ACOT4: variants seen among roughly 807,000 people sequenced by gnomAD.
The protein encoded by ACOT4 is acyl-CoA thioesterase 4, also known as peroxisomal succinyl-coenzyme A thioesterase.
A neutral mutation model predicts 17.1 loss-of-function variants in ACOT4; 18 were observed. The observed-to-expected ratio is 1.05, with a 90% CI of 0.73 to 1.56. The LOEUF is 1.56. Ranked by LOEUF, ACOT4 falls within the 40% of genes most tolerant of loss-of-function variation. The pLI is 0.00. For synonymous variants in ACOT4, 234 were observed against 236.6 expected (o/e 0.99, Z 0.10); for missense variants, 574 against 557.2 (o/e 1.03, Z -0.30).
chr14:73,592,335 G>A lies in ACOT4; in HGVS notation c.376G>A (p.Glu126Lys). 6.2e-7 allele frequency: 1 copy of A among 1,604,152 alleles called. No individual in the cohort carries two copies. Among genetic ancestry groups the A allele is most frequent in the Non-Finnish European group, 8.5e-7 (1 of 1,175,986 alleles). ...ACGGCTGCTGTGCCAGGCGCAGCACGAGCGCCACTTCCTCCCGCCAGGGGT... is the reference window on the plus strand; with the variant it reads ...ACGGCTGCTGTGCCAGGCGCAGCACAAGCGCCACTTCCTCCCGCCAGGGGT... ...PGRLLCQAQH[E>K]RHFLPPGVRR... is the part of the protein sequence containing the mutation. Residue 126 changes from glutamate to lysine, a missense_variant, in exon 1 of 3, where the codon GAG (glutamate) becomes AAG (lysine). Transcript: ENST00000326303.
chr14:73,594,731 C>T (rs537925590), intron 2 of ACOT4, among the ~76,000 whole-genome samples: 4 of 151,944 alleles, frequency 2.6e-5, no homozygotes, highest in African/African-American at 4.8e-5. Flanking sequence ...GACGGAGTCT[C>T]GCTTTGTCAC....
At chr14:73,592,980 C>A (rs1162286987) in intron 1 of ACOT4, among the ~76,000 whole-genome samples, 1 of 152,224 alleles carries the variant, frequency 6.6e-6, no homozygotes, top group African/African-American at 2.4e-5. Context: ...GATGAAAAAA[C>A]AGGTTCAGGT....
chr14:73,595,076 G>A lies in ACOT4; in HGVS notation c.688G>A (p.Gly230Ser). ...QVKGPGIGLL[G>S]ISLGADICLS... ...AAAAGGCCCAGGCATTGGGCTTTTG[G>A]GCATTTCTCTAGGAGCTGATATTTG... Residue 230 changes from glycine to serine, a missense_variant, in exon 3 of 3, where the codon GGC becomes AGC. By Grantham distance (56) the Gly-to-Ser change is moderately conservative. Transcript: ENST00000326303. 3 of 1,613,928 alleles carry A rather than the reference G, an allele frequency of 1.9e-6. No homozygotes were observed. The highest frequency in any genetic ancestry group is 2.5e-6 in the Non-Finnish European group (3 of 1,180,014).
chr14:73,592,436 G>A lies in ACOT4; in HGVS notation c.457+20G>A, dbSNP rs967297070. On this transcript the variant is annotated intron_variant, in intron 1 of 2. Transcript: ENST00000326303. ...CGCCAGGTGAGCCAGGCTGCTGGCGGGTGGTGTGAGCGTCAGTGGCCTGAG... is the reference window on the plus strand; with the variant it reads ...CGCCAGGTGAGCCAGGCTGCTGGCGAGTGGTGTGAGCGTCAGTGGCCTGAG... 6.7e-7 allele frequency: 1 copy of A among 1,489,052 alleles called. No individual in the cohort carries two copies. Among genetic ancestry groups the A allele is most frequent in the Non-Finnish European group, 8.9e-7 (1 of 1,127,734 alleles). 92.2% of individuals were successfully genotyped at this position (1,489,052 alleles called of 1,614,324 possible). A position where few individuals can be genotyped will look rare whatever the true frequency, so the allele number is the denominator to read the frequency against.
At chr14:73,594,125 ATAT>A (rs1311866003) in intron 2 of ACOT4, among the ~76,000 whole-genome samples, 3 of 152,176 alleles carry the variant, frequency 2.0e-5, no homozygotes, top group East Asian at 3.8e-4. Flanking sequence ...GTAATATTAA[ATAT>A]TATCTGTATA....
chr14:73,592,372 CG>C lies in ACOT4; in HGVS notation c.415del (p.Val139CysfsTer50). On this transcript the variant is annotated frameshift_variant, in exon 1 of 3. Coordinates refer to ENST00000326303, the MANE Select transcript of ACOT4 (RefSeq NM_152331.4). LOFTEE classifies it high-confidence loss of function. ...CTCCCGCCAGGGGTGCGGCGCCAGT[CG>C]GTGCGAGCGGGCCGGGTGCGCGCCA... ...HFLPPGVRRQSVRAGRVRATL... is the reference protein window; with the variant it reads ...HFLPPGVRRQXVRAGRVRATL... 1 of 1,570,114 alleles carries C rather than the reference CG, an allele frequency of 6.4e-7. No homozygotes were observed. Among genetic ancestry groups the C allele is most frequent in the Middle Eastern group, 1.7e-4 (1 of 5,856 alleles).
At chr14:73,592,492 C>G (rs546649828) in intron 1 of ACOT4, 76 bp downstream of exon 1, 1 of 1,414,294 alleles carries the variant, frequency 7.1e-7, no homozygotes, top group East Asian at 2.6e-5. Flanking sequence ...TGATTTAGCA[C>G]TGGTTTGGTT....
In ACOT4 at chr14:73,595,356, G is replaced by C. The variant is rs2049857750; in HGVS notation, c.968G>C (p.Gly323Ala). The change falls in exon 3 of 3, where the codon GGT (glycine) becomes GCT (alanine). Residue 323 changes from glycine (G) to alanine (A), a missense_variant. Transcript: ENST00000326303. ...KAQGPILLIVGQDDHNWRSEL... is the reference protein window; with the variant it reads ...KAQGPILLIVAQDDHNWRSEL... ...CAGGGGCCCATCCTGCTCATTGTTG[G>C]TCAGGATGACCATAACTGGAGAAGT... 7 of 1,614,222 alleles carry C rather than the reference G, an allele frequency of 4.3e-6. No homozygotes were observed. Among genetic ancestry groups the C allele is most frequent in the Non-Finnish European group, 5.9e-6 (7 of 1,180,044 alleles).
rs2140349306 is a variant in ACOT4 at position 73,592,404 on chromosome 14, T to C, written c.445T>C (p.Phe149Leu). 1 of 1,531,780 alleles carries C rather than the reference T, an allele frequency of 6.5e-7. No individual in the cohort carries two copies. Among genetic ancestry groups the C allele is most frequent in the East Asian group, 2.4e-5 (1 of 40,886 alleles). 94.9% of individuals were successfully genotyped at this position (1,531,780 alleles called of 1,614,324 possible). A position where few individuals can be genotyped will look rare whatever the true frequency, so the allele number is the denominator to read the frequency against. The change falls in exon 1 of 3, where the codon TTC (phenylalanine) becomes CTC (leucine). Residue 149 changes from phenylalanine (F) to leucine (L), a missense_variant. Physicochemically the swap from Phe to Leu is conservative, Grantham distance 22. Coordinates refer to ENST00000326303, the MANE Select transcript of ACOT4 (RefSeq NM_152331.4). ...VRAGRVRATL[F>L]LPPGPGPFPG... Reference sequence around the variant, plus strand: ...AGCGGGCCGGGTGCGCGCCACGCTCTTCCTGCCGCCAGGTGAGCCAGGCTG... The same window carrying C: ...AGCGGGCCGGGTGCGCGCCACGCTCCTCCTGCCGCCAGGTGAGCCAGGCTG...
In ACOT4 at chr14:73,593,738, G is replaced by T. The variant is rs765756704; in HGVS notation, c.494G>T (p.Gly165Val). ...TTCCCAGGGATCATTGACATCTTTG[G>T]TATTGGAGGGGGCCTCTTGGAATAT... Reference protein sequence around the residue: ...GPFPGIIDIFGIGGGLLEYRA... With the variant: ...GPFPGIIDIFVIGGGLLEYRA... The change falls in exon 2 of 3, where the codon GGT becomes GTT. Residue 165 changes from glycine (G) to valine (V), a missense_variant. Physicochemically the swap from Gly to Val is moderately radical, Grantham distance 109. Coordinates refer to ENST00000326303, the MANE Select transcript of ACOT4 (RefSeq NM_152331.4). 29 of 1,613,342 alleles carry T rather than the reference G, an allele frequency of 1.8e-5. No homozygotes were observed. In the Admixed American group the frequency reaches 4.7e-4, roughly 26 times the overall value.
chr14:73,594,676 A>AT, intron 2 of ACOT4, among the ~76,000 whole-genome samples: 1 of 138,846 alleles, frequency 7.2e-6, no homozygotes, highest in East Asian at 2.2e-4. Context: ...TGGATAAGTT[A>AT]TTTATTTATT....
In ACOT4 at chr14:73,595,461, C is replaced by G. The variant is rs763174184; in HGVS notation, c.1073C>G (p.Thr358Ser). The change falls in exon 3 of 3, where the codon ACT becomes AGT. Residue 358 changes from threonine to serine, a missense_variant. Transcript: ENST00000326303. ...CCCCAGATCATCTGTTACCCTGGGA[C>G]TGGGCATTACATCGAGCCTCCTTAC... ...EKPQIICYPG[T>S]GHYIEPPYFP... The G allele has an allele frequency of 6.2e-7, 1 of 1,614,226 alleles. No homozygotes were observed. Among genetic ancestry groups the G allele is most frequent in the Non-Finnish European group, 8.5e-7 (1 of 1,180,022 alleles).
chr14:73,595,599 C>T lies in ACOT4; in HGVS notation c.1211C>T (p.Ala404Val). The T allele has an allele frequency of 6.4e-7, 1 of 1,564,266 alleles. No homozygotes were observed. Among genetic ancestry groups the T allele is most frequent in the Non-Finnish European group, 8.7e-7 (1 of 1,152,742 alleles). Residue 404 changes from alanine (A) to valine (V), a missense_variant, in exon 3 of 3, where the codon GCC (alanine) becomes GTC (valine). Ala to Val is a moderately conservative substitution (Grantham distance 64). Transcript: ENST00000326303. ...AQEDAWKQIL[A>V]FFCKHLGGTQ... Reference sequence around the variant, plus strand: ...GAAGATGCCTGGAAGCAAATTCTAGCCTTCTTCTGCAAACACCTGGGAGGT... The same window carrying T: ...GAAGATGCCTGGAAGCAAATTCTAGTCTTCTTCTGCAAACACCTGGGAGGT...
rs768423389 is a variant in ACOT4, at chr14:73,595,295, T to A, written c.907T>A (p.Tyr303Asn). ...TATAAGGAATGCTCTCGTAGGAGGG[T>A]ACAAGAACCCCAGCATGATTCCAAT... Reference protein sequence around the residue: ...VDIRNALVGGYKNPSMIPIEK... With the variant: ...VDIRNALVGGNKNPSMIPIEK... Residue 303 changes from tyrosine (Y) to asparagine (N), a missense_variant, in exon 3 of 3, where the codon TAC becomes AAC. By Grantham distance (143) the Tyr-to-Asn change is moderately radical. Coordinates refer to ENST00000326303, the MANE Select transcript of ACOT4 (RefSeq NM_152331.4). 2.2e-5 allele frequency: 36 copies of A among 1,613,982 alleles called. No homozygotes were observed. Among genetic ancestry groups the A allele is most frequent in the Non-Finnish European group, 2.9e-5 (34 of 1,180,040 alleles).
Position 73,595,174 on chromosome 14 carries a change from C to G in ACOT4, c.786C>G (p.Asn262Lys), listed in dbSNP as rs1302510673. The part of the protein sequence containing the change: ...VSINGSGISG[N>K]TAINYKHSSI... ...TCAATGGATCTGGGATCAGTGGGAA[C>G]ACAGCCATCAACTATAAGCACAGTA... Residue 262 changes from asparagine to lysine, a missense_variant, in exon 3 of 3, where the codon AAC (asparagine) becomes AAG (lysine). By Grantham distance (94) the Asn-to-Lys change is moderately conservative. Transcript: ENST00000326303. The G allele has an allele frequency of 6.2e-6, 10 of 1,614,098 alleles. No individual in the cohort carries two copies. The highest frequency in any genetic ancestry group is 3.3e-5 in the Admixed American group (2 of 59,994).
rs746040937 is a variant in ACOT4, at chr14:73,593,873, A to C, written c.629A>C (p.Glu210Ala). Residue 210 changes from glutamate to alanine, a missense_variant, in exon 2 of 3, where the codon GAA (glutamate) becomes GCA (alanine). Transcript: ENST00000326303. ...AACATATCCCTGGAGTACTTCGAAG[A>C]AGCCGTATGCTACATGCTTCAACAT... is the stretch of plus-strand genomic sequence containing the variant. ...MDNISLEYFE[E>A]AVCYMLQHPQ... 1 of 1,613,798 alleles carries C rather than the reference A, an allele frequency of 6.2e-7. No homozygotes were observed. Among genetic ancestry groups the C allele is most frequent in the Non-Finnish European group, 8.5e-7 (1 of 1,179,790 alleles).
chr14:73,591,973 T>C lies in ACOT4; in HGVS notation c.14T>C (p.Leu5Pro), dbSNP rs980972184. Reference sequence around the variant, plus strand: ...TCCGGCTCCAAGATGTCAGCAACGCTGATCCTGGAGCCCCCAGGCCGCTGC... The same window carrying C: ...TCCGGCTCCAAGATGTCAGCAACGCCGATCCTGGAGCCCCCAGGCCGCTGC... Reference protein sequence around the residue: MSATLILEPPGRCCW... With the variant: MSATPILEPPGRCCW... Residue 5 changes from leucine (L) to proline (P), a missense_variant, in exon 1 of 3, where the codon CTG becomes CCG. Physicochemically the swap from Leu to Pro is moderately conservative, Grantham distance 98. Coordinates refer to ENST00000326303, the MANE Select transcript of ACOT4 (RefSeq NM_152331.4). The C allele has an allele frequency of 7.2e-7, 1 of 1,396,526 alleles. No homozygotes were observed. The highest frequency in any genetic ancestry group is 9.3e-7 in the Non-Finnish European group (1 of 1,076,676). 86.5% of individuals were successfully genotyped at this position (1,396,526 alleles called of 1,614,324 possible). A position where few individuals can be genotyped will look rare whatever the true frequency, so the allele number is the denominator to read the frequency against.
chr14:73,594,764 A>AATCTCG (rs1043784599), intron 2 of ACOT4, among the ~76,000 whole-genome samples: 27 of 152,098 alleles, frequency 1.8e-4, no homozygotes, highest in Admixed American at 4.6e-4. Context: ...GCAGTGGCGC[A>AATCTCG]ATCTCGGCTC....
intron 2 of ACOT4, 43 bp from the exon 3 acceptor site, chr14:73,595,006 G>A: frequency 1.2e-6 from 2 of 1,602,992 alleles, no homozygotes; most frequent in South Asian, 2.2e-5. Context: ...CACCCAATCT[G>A]GATAAGTTAT....
Sources: allele counts gnomAD v4.1 joint callset (sites outside exome capture counted in the v4.1 genomes callset), GRCh38; gene constraint gnomAD v4.1.1; transcripts MANE v1.5; gene names NCBI Gene and HGNC (gene_info 2026-07-23, HGNC 2026-07-21).